The following HUNK variants were observed in gnomAD, a reference collection of about 807,000 sequenced individuals.
HUNK encodes the protein hormonally up-regulated neu tumor-associated kinase.
HUNK carries 21 observed loss-of-function variants against 61.0 expected under a neutral mutation model. The ratio of observed to expected loss-of-function variants is 0.34; its 90% CI spans 0.24 to 0.50. The LOEUF (loss-of-function observed/expected upper bound fraction) is 0.50, where lower values mean the gene tolerates loss of function less well. Ranked by LOEUF, HUNK falls within the 20% of genes least tolerant of loss-of-function variation. The pLI is 0.98. For missense variants in HUNK, 772 were observed against 945.7 expected, an observed-to-expected ratio of 0.82 and a Z score of 2.41; for synonymous variants, 371 against 386.1, an observed-to-expected ratio of 0.96 and a Z score of 0.46.
rs113313760 is a variant in HUNK at position 31,987,002 on chromosome 21, T to G, written c.1258-3127T>G. On this transcript the variant is annotated intron_variant, in intron 8 of 10. Transcript: ENST00000270112. ...AGAGTGGGCTCTGAGTCCCTTTTGC[T>G]CCTCACAATATTCCCAGAGGCCACA... 1.9e-4 allele frequency among the ~76,000 whole-genome samples: 29 copies of G among 152,248 alleles called. 1 individual carries two copies. The highest frequency in any genetic ancestry group is 5.8e-4 in the African/African-American group (24 of 41,540).
chr21:31,959,521 G>A (rs920235942), intron 5 of HUNK, among the ~76,000 whole-genome samples: 4 of 152,168 alleles, frequency 2.6e-5, no homozygotes, highest in Non-Finnish European at 5.9e-5. Flanking sequence ...GTTCTCTCAA[G>A]CTTTAGCTGG....
intron 2 of HUNK, among the ~76,000 whole-genome samples, chr21:31,937,856 A>G (rs2052742322): frequency 6.6e-6 from 1 of 152,234 alleles, no homozygotes; most frequent in African/African-American, 2.4e-5. Flanking sequence ...ATCACTGTAT[A>G]TTTGGAGTCA....
intron 4 of HUNK, among the ~76,000 whole-genome samples, chr21:31,954,597 G>T (rs2052875101): frequency 6.6e-6 from 1 of 152,202 alleles, no homozygotes; most frequent in South Asian, 2.1e-4. Flanking sequence ...GCTGGGCACA[G>T]GTTCTTTGAG....
At chr21:31,938,013 C>G (rs2052743219) in intron 2 of HUNK, among the ~76,000 whole-genome samples, 1 of 152,218 alleles carries the variant, frequency 6.6e-6, no homozygotes. Flanking sequence ...GTTTATATCC[C>G]CAGTTTGAAC....
At position 31,998,722 on chromosome 21, in the gene HUNK, C is replaced by T; in HGVS notation, c.1683C>T (p.Ser561=). Reference sequence around the variant, plus strand: ...CCCTGATGCTGGACATGGTGCGCTCCTTCGAGTCTGTGGATCGCGACGACC... The same window carrying T: ...CCCTGATGCTGGACATGGTGCGCTCTTTCGAGTCTGTGGATCGCGACGACC... The part of the protein sequence containing the change: ...EDPLMLDMVR[S]FESVDRDDHV... Residue 561 remains serine (S), a synonymous_variant, in exon 11 of 11, where the codon TCC becomes TCT. Transcript: ENST00000270112. 6.2e-7 allele frequency: 1 copy of T among 1,614,154 alleles called. No homozygotes were observed. The highest frequency in any genetic ancestry group is 1.7e-5 in the Admixed American group (1 of 60,028).
chr21:31,920,198 C>G (rs1184616555), intron 1 of HUNK, among the ~76,000 whole-genome samples: 2 of 152,182 alleles, frequency 1.3e-5, no homozygotes, highest in Non-Finnish European at 2.9e-5. Context: ...CCTTCTTTCT[C>G]TATTTTATAA....
Position 31,873,867 on chromosome 21 carries a change from A to C in HUNK, c.193A>C (p.Ser65Arg), listed in dbSNP as rs748201528. The change falls in exon 1 of 11, where the codon AGC becomes CGC. Residue 65 changes from serine to arginine, a missense_variant. Ser to Arg is a moderately radical substitution (Grantham distance 110, BLOSUM62 -1). Around this residue, in one of 2 missense-constraint regions of HUNK, gnomAD observed 359 missense variants for 501.3 expected, o/e 0.72. Transcript: ENST00000270112. The surrounding 1 kb of genome is among the most constrained non-coding windows in gnomAD (Gnocchi z 6.1). ...GCGCGTGGGCAACTACCTCATCGGCAGCAGGAAGCTGGGCGAGGGCTCCTT... is the reference window on the plus strand; with the variant it reads ...GCGCGTGGGCAACTACCTCATCGGCCGCAGGAAGCTGGGCGAGGGCTCCTT... ...HKRVGNYLIG[S>R]RKLGEGSFAK... 3 of 1,586,718 alleles carry C rather than the reference A, an allele frequency of 1.9e-6. No homozygotes were observed.
At chr21:31,976,037 C>CTTTGTT (rs1210723554) in intron 7 of HUNK, among the ~76,000 whole-genome samples, 3 of 152,144 alleles carry the variant, frequency 2.0e-5, no homozygotes, top group Non-Finnish European at 2.9e-5. Context: ...CACAGAACTC[C>CTTTGTT]TTTGTTTTTG....
intron 1 of HUNK, among the ~76,000 whole-genome samples, chr21:31,892,331 C>T (rs950428582): frequency 2.0e-5 from 3 of 150,856 alleles, no homozygotes; most frequent in African/African-American, 4.9e-5. Flanking sequence ...TTTGGGAGGC[C>T]GAGGTGGGCA....
At chr21:31,919,164 C>A (rs13048133) in intron 1 of HUNK, among the ~76,000 whole-genome samples, 10 of 138,844 alleles carry the variant, frequency 7.2e-5, no homozygotes, top group African/African-American at 2.5e-4. Flanking sequence ...AGGGGCTGGA[C>A]TGAGCGGTAT....
rs541640414 is a variant in HUNK, at chr21:31,920,046, C to T, written c.262-4422C>T. Among the ~76,000 whole-genome samples, 7 of 152,354 alleles carry T rather than the reference C, an allele frequency of 4.6e-5. No individual in the cohort carries two copies. In the South Asian group the frequency reaches 1.4e-3, roughly 32 times the overall value. ...AAAAGTATTGGCAGGGCCACGCTCC[C>T]TCCAGAGACTCTAGGGGAGGATCCT... On this transcript the variant is annotated intron_variant, in intron 1 of 10. Transcript: ENST00000270112.
In HUNK at chr21:31,998,810, C is replaced by G. The variant is rs10775648; in HGVS notation, c.1771C>G (p.Arg591Gly). 1 of 1,613,966 alleles carries G rather than the reference C, an allele frequency of 6.2e-7. No homozygotes were observed. The highest frequency in any genetic ancestry group is 8.5e-7 in the Non-Finnish European group (1 of 1,179,988). The change falls in exon 11 of 11, where the codon CGC becomes GGC. Residue 591 changes from arginine to glycine, a missense_variant. Physicochemically the swap from Arg to Gly is moderately radical, Grantham distance 125. Around this residue, in one of 2 missense-constraint regions of HUNK, gnomAD observed 413 missense variants for 444.4 expected, o/e 0.93. Coordinates refer to ENST00000270112, the MANE Select transcript of HUNK (RefSeq NM_014586.2). ...RILNSPVSLA[R>G]RNSSERTLSP... ...TCTGAACTCCCCGGTCAGCTTGGCTCGCAGAAATTCCAGCGAGAGGACGCT... is the reference window on the plus strand; with the variant it reads ...TCTGAACTCCCCGGTCAGCTTGGCTGGCAGAAATTCCAGCGAGAGGACGCT...
At chr21:31,955,356 C>T (rs558848215) in intron 4 of HUNK, among the ~76,000 whole-genome samples, 28 of 150,330 alleles carry the variant, frequency 1.9e-4, no homozygotes, top group Admixed American at 9.3e-4. Flanking sequence ...TTTGGGAGAC[C>T]GAGACGGGTG....
chr21:31,967,800 G>A (rs2052977786), intron 5 of HUNK, among the ~76,000 whole-genome samples: 1 of 152,102 alleles, frequency 6.6e-6, no homozygotes, highest in African/African-American at 2.4e-5. Context: ...CCTACCTTGC[G>A]AGCAGGCATT....
At chr21:31,874,261 T>G (rs1346795475) in intron 1 of HUNK, among the ~76,000 whole-genome samples, 3 of 146,300 alleles carry the variant, frequency 2.1e-5, no homozygotes, top group Non-Finnish European at 4.5e-5. Flanking sequence ...CCTCTGCCCT[T>G]CAGGCCGGCA....
At chr21:31,911,147 C>A (rs556470743) in intron 1 of HUNK, among the ~76,000 whole-genome samples, 27 of 152,310 alleles carry the variant, frequency 1.8e-4, no homozygotes, top group Admixed American at 1.4e-3. Context: ...TTCATTCATT[C>A]AAGAAATACT....
At chr21:31,998,078 C>T (rs1185451101) in intron 10 of HUNK, among the ~76,000 whole-genome samples, 3 of 152,252 alleles carry the variant, frequency 2.0e-5, no homozygotes, top group South Asian at 4.2e-4. Context: ...CCACCACACC[C>T]TGCTAATTTT....
intron 1 of HUNK, among the ~76,000 whole-genome samples, chr21:31,909,263 G>A (rs2052529537): frequency 6.6e-6 from 1 of 152,172 alleles, no homozygotes. Context: ...AATATTCTCC[G>A]TTTTGCATTC....
intron 9 of HUNK, among the ~76,000 whole-genome samples, chr21:31,991,122 T>C (rs1035835047): frequency 5.3e-5 from 8 of 152,340 alleles, no homozygotes; most frequent in Admixed American, 3.9e-4. Flanking sequence ...GTTACAACTC[T>C]ACACCTGCCT....
Sources: gnomAD v4.1 joint callset for allele counts (sites outside exome capture counted in the v4.1 genomes callset) on GRCh38, gnomAD v4.1.1 for gene constraint, gnomAD v4.1.1 regional missense constraint, Gnocchi (gnomAD v3.1) non-coding constraint, MANE v1.5 for transcripts, NCBI Gene and HGNC (gene_info 2026-07-23, HGNC 2026-07-21) for gene names.